The following TRAPPC9 variants were observed in gnomAD, a reference collection of about 807,000 sequenced individuals.
The protein encoded by TRAPPC9 is trafficking protein particle complex subunit 9.
In TRAPPC9, 83 loss-of-function variants were observed where a neutral mutation model predicts 124.0. That is an observed-to-expected ratio of 0.67 (90% CI 0.56 to 0.80). The LOEUF (loss-of-function observed/expected upper bound fraction) is 0.80. Ranked by LOEUF, TRAPPC9 falls within the 30% of genes least tolerant of loss-of-function variation. The probability of loss-of-function intolerance (pLI) is 0.00; values close to 1 mark genes in which losing one functional copy is unlikely to be tolerated. For synonymous variants in TRAPPC9, 638 were observed against 617.5 expected, an observed-to-expected ratio of 1.03 and a Z score of -0.49; for missense variants, 1,302 against 1,508.3, an observed-to-expected ratio of 0.86 and a Z score of 2.27.
At chr8:140,307,580 T>G (rs1251649507) in intron 10 of TRAPPC9, among the ~76,000 whole-genome samples, 1 of 152,326 alleles carries the variant, frequency 6.6e-6, no homozygotes, top group South Asian at 2.1e-4. Context: ...CACTGTTGGC[T>G]GGCTGACCAA....
intron 17 of TRAPPC9, among the ~76,000 whole-genome samples, chr8:140,046,265 G>A (rs10100512): frequency 0.14 from 20,565 of 152,312 alleles, 1,633 homozygotes; most frequent in African/African-American, 0.22. Flanking sequence ...GGTCTTCGCC[G>A]ACGGCTATGA....
At chr8:140,453,555 C>T (rs1268739071) in intron 1 of TRAPPC9, among the ~76,000 whole-genome samples, 1 of 63,154 alleles carries the variant, frequency 1.6e-5, no homozygotes, top group Admixed American at 1.4e-4. Context: ...CAAAAATACA[C>T]ATGGATAGAG....
chr8:140,287,779 G>T, intron 12 of TRAPPC9, 45 bp from the exon 13 acceptor site: 2 of 1,613,102 alleles, frequency 1.2e-6, no homozygotes, highest in Non-Finnish European at 1.7e-6. Flanking sequence ...CAAACCTACT[G>T]TGTGTGCTCA....
intron 19 of TRAPPC9, among the ~76,000 whole-genome samples, chr8:139,940,179 C>T (rs986101685): frequency 6.6e-6 from 1 of 152,212 alleles, no homozygotes; most frequent in Non-Finnish European, 1.5e-5. Context: ...CCCTCAGACA[C>T]AAGGAGCGCA....
chr8:139,949,726 G>T (rs1312602598), intron 19 of TRAPPC9, among the ~76,000 whole-genome samples: 1 of 152,060 alleles, frequency 6.6e-6, no homozygotes, highest in East Asian at 1.9e-4. Flanking sequence ...ATCAATGGTT[G>T]CCTAGGGCTG....
chr8:139,796,145 A>AGAGGAGGAGGAAGAG (rs1823075008), intron 21 of TRAPPC9, among the ~76,000 whole-genome samples: 1 of 141,772 alleles, frequency 7.1e-6, no homozygotes, highest in Non-Finnish European at 1.6e-5. Context: ...AGGAGGAGGA[A>AGAGGAGGAGGAAGAG]GAGGAGGAGG....
chr8:139,745,660 G>A (rs1299484869), intron 21 of TRAPPC9, among the ~76,000 whole-genome samples: 1 of 152,226 alleles, frequency 6.6e-6, no homozygotes, highest in Non-Finnish European at 1.5e-5. Context: ...GCAGGCTCTG[G>A]GATTTGCTGC....
chr8:139,794,427 G>A (rs1822908093), intron 21 of TRAPPC9, among the ~76,000 whole-genome samples: 1 of 152,186 alleles, frequency 6.6e-6, no homozygotes. Flanking sequence ...GCCAGAAAAA[G>A]GGGACTCCAA....
intron 17 of TRAPPC9, among the ~76,000 whole-genome samples, chr8:140,057,203 T>C (rs1842337863): frequency 1.3e-5 from 2 of 152,178 alleles, no homozygotes; most frequent in Admixed American, 1.3e-4. Context: ...TTAGTGAGGA[T>C]GTGGAGAAAT....
chr8:140,057,680 G>A (rs1842367947), intron 17 of TRAPPC9, among the ~76,000 whole-genome samples: 1 of 152,210 alleles, frequency 6.6e-6, no homozygotes, highest in Non-Finnish European at 1.5e-5. Context: ...GGGACTGGGA[G>A]AGGGGAAACG....
intron 11 of TRAPPC9, among the ~76,000 whole-genome samples, chr8:140,293,043 A>C (rs2065707074): frequency 1.4e-5 from 2 of 148,082 alleles, no homozygotes; most frequent in Admixed American, 6.6e-5. Flanking sequence ...ACCCCATCAA[A>C]AAGTGGGCAA....
chr8:139,937,411 A>C (rs1185711977), intron 19 of TRAPPC9, among the ~76,000 whole-genome samples: 4 of 152,128 alleles, frequency 2.6e-5, no homozygotes, highest in African/African-American at 9.7e-5. Context: ...AAATGAACAC[A>C]TGTTATTTTT....
chr8:139,737,612 A>T (rs1460250221), intron 21 of TRAPPC9, among the ~76,000 whole-genome samples: 1 of 152,108 alleles, frequency 6.6e-6, no homozygotes, highest in African/African-American at 2.4e-5. Context: ...TCTTGGCAGG[A>T]CTGGCTCCTC....
chr8:140,080,397 T>A (rs1037293428), intron 17 of TRAPPC9, among the ~76,000 whole-genome samples: 1 of 152,224 alleles, frequency 6.6e-6, no homozygotes, highest in African/African-American at 2.4e-5. Flanking sequence ...AAAAGAGGTT[T>A]ATTTTGCTAT....
chr8:140,016,134 G>T (rs1839448500), intron 18 of TRAPPC9, among the ~76,000 whole-genome samples: 1 of 152,094 alleles, frequency 6.6e-6, no homozygotes, highest in African/African-American at 2.4e-5. Flanking sequence ...AAAATTAGGT[G>T]CTCTCTCCAA....
intron 10 of TRAPPC9, among the ~76,000 whole-genome samples, chr8:140,308,116 G>A (rs1236270556): frequency 6.6e-6 from 1 of 151,960 alleles, no homozygotes; most frequent in Non-Finnish European, 1.5e-5. Context: ...GGAAGCACAG[G>A]CATTCCAAGC....
At chr8:139,795,074 G>GA (rs969044199) in intron 21 of TRAPPC9, among the ~76,000 whole-genome samples, 4 of 152,164 alleles carry the variant, frequency 2.6e-5, no homozygotes, top group African/African-American at 9.7e-5. Flanking sequence ...AACTCCCCAA[G>GA]AAAAAATAAC....
chr8:140,294,607 CT>C (rs796330094), intron 11 of TRAPPC9, among the ~76,000 whole-genome samples: 50 of 147,008 alleles, frequency 3.4e-4, no homozygotes, highest in African/African-American at 5.7e-4. Flanking sequence ...ATTTATTCTT[CT>C]TTTTTTTTTT....
chr8:140,384,254 T>A (rs1306940426), intron 7 of TRAPPC9, among the ~76,000 whole-genome samples: 1 of 151,826 alleles, frequency 6.6e-6, no homozygotes, highest in East Asian at 1.9e-4. Context: ...CTGCATCAAT[T>A]AACGAGCAAA....
Sources: allele counts gnomAD v4.1 joint callset (sites outside exome capture counted in the v4.1 genomes callset), GRCh38; gene constraint gnomAD v4.1.1; transcripts MANE v1.5; gene names NCBI Gene and HGNC (gene_info 2026-07-23, HGNC 2026-07-21).